CDYL2: variants seen among roughly 807,000 people sequenced by gnomAD.
The protein encoded by CDYL2 is chromodomain Y-like protein 2.
Under a neutral mutation model 49.4 loss-of-function variants are expected in CDYL2, and 23 were observed. That is an observed-to-expected ratio of 0.47 (90% CI 0.34 to 0.66). The LOEUF (loss-of-function observed/expected upper bound fraction) is 0.66. Ranked by LOEUF, CDYL2 falls within the 30% of genes least tolerant of loss-of-function variation. CDYL2 has a pLI of 0.01. For missense variants in CDYL2, 678 were observed against 656.4 expected, an observed-to-expected ratio of 1.03 and a Z score of -0.36; for synonymous variants, 360 against 268.8, an observed-to-expected ratio of 1.34 and a Z score of -3.32.
chr16:80,655,899 C>G (rs1425550686), intron 2 of CDYL2, among the ~76,000 whole-genome samples: 1 of 152,140 alleles, frequency 6.6e-6, no homozygotes, highest in Non-Finnish European at 1.5e-5. Flanking sequence ...TCCCGAGTGA[C>G]AGCAACAAGC....
intron 2 of CDYL2, among the ~76,000 whole-genome samples, chr16:80,654,172 C>T (rs1269104970): frequency 1.3e-5 from 2 of 152,162 alleles, no homozygotes; most frequent in Non-Finnish European, 2.9e-5. Context: ...ATGTGCTCAG[C>T]GCTCTGCCGG....
At chr16:80,703,999 T>C (rs1199836780) in intron 1 of CDYL2, among the ~76,000 whole-genome samples, 2 of 152,182 alleles carry the variant, frequency 1.3e-5, no homozygotes, top group Admixed American at 6.5e-5. Flanking sequence ...AGTTACAGGA[T>C]AGCGGAAGTG....
At chr16:80,771,742 G>C (rs150800209) in intron 1 of CDYL2, among the ~76,000 whole-genome samples, 210 of 151,856 alleles carry the variant, frequency 1.4e-3, no homozygotes, top group African/African-American at 4.8e-3. Flanking sequence ...AAAAAAAAAT[G>C]AAAACTAAAA....
At chr16:80,753,463 C>T (rs1197408298) in intron 1 of CDYL2, among the ~76,000 whole-genome samples, 10 of 152,038 alleles carry the variant, frequency 6.6e-5, no homozygotes, top group Non-Finnish European at 1.5e-5. Context: ...ACAAAATTAG[C>T]CAGGCGTGGT....
At chr16:80,761,800 C>G (rs531569695) in intron 1 of CDYL2, among the ~76,000 whole-genome samples, 2 of 151,006 alleles carry the variant, frequency 1.3e-5, no homozygotes, top group East Asian at 3.9e-4. Flanking sequence ...GGGAAAACTA[C>G]TTTGGATATT....
chr16:80,738,994 G>T (rs1157806615), intron 1 of CDYL2, among the ~76,000 whole-genome samples: 1 of 152,110 alleles, frequency 6.6e-6, no homozygotes, highest in Non-Finnish European at 1.5e-5. Context: ...TGAAAAAGGT[G>T]GAAGCAACCC....
intron 1 of CDYL2, among the ~76,000 whole-genome samples, chr16:80,693,767 C>G (rs1006807030): frequency 3.3e-5 from 5 of 152,066 alleles, no homozygotes; most frequent in African/African-American, 1.2e-4. Flanking sequence ...CATGACTGTA[C>G]ATTTGTCAAA....
At chr16:80,625,047 G>T (rs899677539) in intron 3 of CDYL2, among the ~76,000 whole-genome samples, 1 of 152,184 alleles carries the variant, frequency 6.6e-6, no homozygotes, top group Non-Finnish European at 1.5e-5. Context: ...GAATTTAACA[G>T]AATTGATGAA....
At chr16:80,781,060 C>T (rs1034990516) in intron 1 of CDYL2, among the ~76,000 whole-genome samples, 13 of 152,118 alleles carry the variant, frequency 8.5e-5, no homozygotes, top group African/African-American at 3.1e-4. Flanking sequence ...AAATAATAAG[C>T]CCCCATAAAA....
chr16:80,675,754 G>A (rs1909718561), intron 2 of CDYL2, among the ~76,000 whole-genome samples: 1 of 152,016 alleles, frequency 6.6e-6, no homozygotes, highest in South Asian at 2.1e-4. Context: ...ACATTAGGAG[G>A]TGAAGTTTTA....
chr16:80,705,176 G>A (rs1450575490), intron 1 of CDYL2, among the ~76,000 whole-genome samples: 1 of 152,214 alleles, frequency 6.6e-6, no homozygotes, highest in Non-Finnish European at 1.5e-5. Context: ...AAACATCTGG[G>A]ACCAGAGGTG....
At chr16:80,654,244 C>T (rs1303579716) in intron 2 of CDYL2, among the ~76,000 whole-genome samples, 2 of 152,134 alleles carry the variant, frequency 1.3e-5, no homozygotes, top group African/African-American at 2.4e-5. Flanking sequence ...GAAGCCCAGC[C>T]CGGGAAGCCA....
rs534978057 is a variant in CDYL2, at chr16:80,701,725, C to T, written c.25-16596G>A. On this transcript the variant is annotated intron_variant, in intron 1 of 6. Coordinates refer to ENST00000570137, the MANE Select transcript of CDYL2 (RefSeq NM_152342.4). ...ATATTAAAAGTTGGTTTGCAACAAACTGATCGATAAATGTAACGCAGTTTA... is the reference window on the plus strand; with the variant it reads ...ATATTAAAAGTTGGTTTGCAACAAATTGATCGATAAATGTAACGCAGTTTA... Among the ~76,000 whole-genome samples, 7 of 152,328 alleles carry T rather than the reference C, an allele frequency of 4.6e-5. No individual in the cohort carries two copies. In the East Asian group the frequency reaches 7.7e-4, roughly 17 times the overall value.
At chr16:80,794,499 G>T (rs756276058) in intron 1 of CDYL2, among the ~76,000 whole-genome samples, 3 of 151,764 alleles carry the variant, frequency 2.0e-5, no homozygotes, top group Non-Finnish European at 4.4e-5. Flanking sequence ...AACTGACATG[G>T]CTGCACCTTT....
rs1316150270 is a variant in CDYL2 at position 80,632,426 on chromosome 16, T to C, written c.834+593A>G. ...GGGCATGGGAGAAAGGAGAATGAAG[T>C]TACTATTTCATGTGGGTGAGGTTTC... On this transcript the variant is annotated intron_variant, in intron 3 of 6. Transcript: ENST00000570137. 3.3e-5 allele frequency among the ~76,000 whole-genome samples: 5 copies of C among 152,194 alleles called. No homozygotes were observed. In the East Asian group the frequency reaches 5.8e-4, roughly 18 times the overall value.
At chr16:80,762,288 T>G (rs913938340) in intron 1 of CDYL2, among the ~76,000 whole-genome samples, 1 of 152,202 alleles carries the variant, frequency 6.6e-6, no homozygotes, top group African/African-American at 2.4e-5. Context: ...AGTGAAATTC[T>G]GACTATACAA....
intron 1 of CDYL2, among the ~76,000 whole-genome samples, chr16:80,793,185 A>G (rs1258111898): frequency 6.6e-6 from 1 of 152,190 alleles, no homozygotes. Context: ...CACTGAGGCT[A>G]GAGTAGAAAG....
chr16:80,787,086 A>C lies in CDYL2; in HGVS notation c.24+17064T>G, dbSNP rs149374405. Among the ~76,000 whole-genome samples the C allele has an allele frequency of 3.1e-3, 471 of 152,178 alleles. 9 individuals are homozygous for C. The highest frequency in any genetic ancestry group is 0.025 in the Admixed American group (379 of 15,280). ...AGTACAATTTAAAAAAAAAAGACGA[A>C]GAAGAAGAAAGTGACATGCTCAGAA... On this transcript the variant is annotated intron_variant, in intron 1 of 6. Transcript: ENST00000570137.
At chr16:80,667,582 A>G (rs1567562641) in intron 2 of CDYL2, among the ~76,000 whole-genome samples, 1 of 152,096 alleles carries the variant, frequency 6.6e-6, no homozygotes, top group East Asian at 1.9e-4. Flanking sequence ...TATTGCAGTT[A>G]TTTGTCTAAA....
Sources: gnomAD v4.1 joint callset for allele counts (sites outside exome capture counted in the v4.1 genomes callset) on GRCh38, gnomAD v4.1.1 for gene constraint, MANE v1.5 for transcripts, NCBI Gene and HGNC (gene_info 2026-07-23, HGNC 2026-07-21) for gene names.